The following DLGAP2 variants were observed in gnomAD, a reference collection of about 807,000 sequenced individuals.
DLGAP2 encodes DLG associated protein 2.
In DLGAP2, 26 loss-of-function variants were observed where a neutral mutation model predicts 100.3. The observed-to-expected ratio is 0.26, with a 90% CI of 0.19 to 0.36. DLGAP2 has a LOEUF of 0.36. DLGAP2 is among the 10% of genes least tolerant of loss of function. The pLI is 1.00. For missense variants in DLGAP2, 1,858 were observed against 1,453.2 expected (o/e 1.28, Z -4.53); for synonymous variants, 886 against 630.1 (o/e 1.41, Z -6.08).
At position 805,072 on chromosome 8, in the gene DLGAP2, C is replaced by CT. The variant is rs1320424556; in HGVS notation, c.18+67248dup. Among the ~76,000 whole-genome samples, 9 of 152,302 alleles carry CT rather than the reference C, an allele frequency of 5.9e-5. No individual in the cohort carries two copies. The South Asian group carries it at 1.9e-3, about 32-fold the overall frequency. ...AGGCGTGAGCTACTGCTCCTGGCCT[C>CT]TGCCTTTTTCTAAAAGCTCTAGACA... On this transcript the variant is annotated intron_variant, in intron 1 of 14. Transcript: ENST00000637795.
chr8:948,245 C>T (rs557726485), intron 2 of DLGAP2, among the ~76,000 whole-genome samples: 1 of 152,334 alleles, frequency 6.6e-6, no homozygotes, highest in Non-Finnish European at 1.5e-5. Context: ...GCTCCCCCTA[C>T]GGCCCTGTGT....
intron 4 of DLGAP2, among the ~76,000 whole-genome samples, chr8:1,536,786 C>T (rs766289815): frequency 6.6e-6 from 1 of 152,188 alleles, no homozygotes; most frequent in East Asian, 1.9e-4. Context: ...TTTCCCACCT[C>T]TTTATTTTTA....
intron 3 of DLGAP2, among the ~76,000 whole-genome samples, chr8:1,277,939 C>T (rs1433802554): frequency 6.6e-6 from 1 of 152,200 alleles, no homozygotes; most frequent in Admixed American, 6.5e-5. Context: ...TAACATGATT[C>T]TAGATTGGGT....
chr8:1,191,344 G>C (rs930735159), intron 2 of DLGAP2, among the ~76,000 whole-genome samples: 2 of 151,892 alleles, frequency 1.3e-5, no homozygotes, highest in Middle Eastern at 3.2e-3. Context: ...CTAATTTTTT[G>C]TATTTTTGGT....
At chr8:1,254,054 A>G (rs545440631) in intron 2 of DLGAP2, among the ~76,000 whole-genome samples, 1 of 152,284 alleles carries the variant, frequency 6.6e-6, no homozygotes, top group African/African-American at 2.4e-5. Context: ...CCGCCTCGTG[A>G]GGCTTCCAGT....
rs575206787 is a variant in DLGAP2 at position 807,938 on chromosome 8, T to C, written c.18+70113T>C. Among the ~76,000 whole-genome samples the C allele has an allele frequency of 2.0e-5, 3 of 152,158 alleles. No individual in the cohort carries two copies. The South Asian group carries it at 6.2e-4, about 32-fold the overall frequency. On this transcript the variant is annotated intron_variant, in intron 1 of 14. Coordinates refer to ENST00000637795, the MANE Select transcript of DLGAP2 (RefSeq NM_001346810.2). The stretch of plus-strand genomic sequence containing the variant: ...TGGCGGGGAGCTAAGAACCGGGTCT[T>C]GTGATAAGATGTGGTAGCAGTGAGG...
At chr8:1,688,767 G>C (rs564957664) in intron 12 of DLGAP2, among the ~76,000 whole-genome samples, 56 of 152,286 alleles carry the variant, frequency 3.7e-4, no homozygotes, top group African/African-American at 1.3e-3. Context: ...AAGAACACAT[G>C]GTACAGATTG....
intron 6 of DLGAP2, among the ~76,000 whole-genome samples, chr8:1,607,229 C>G (rs1796829813): frequency 6.6e-6 from 1 of 152,090 alleles, no homozygotes; most frequent in African/African-American, 2.4e-5. Context: ...TCTTTAAAAT[C>G]TGACTTATAT....
intron 3 of DLGAP2, among the ~76,000 whole-genome samples, chr8:1,323,530 T>G (rs978944622): frequency 2.0e-5 from 3 of 151,902 alleles, no homozygotes; most frequent in African/African-American, 7.3e-5. Flanking sequence ...CCAGGGCGAG[T>G]GTAGTGCGGG....
At chr8:878,786 C>T (rs1002268157) in intron 1 of DLGAP2, among the ~76,000 whole-genome samples, 12 of 152,156 alleles carry the variant, frequency 7.9e-5, no homozygotes, top group African/African-American at 2.9e-4. Context: ...TCACAAGGCC[C>T]ACTTCCCCTC....
intron 6 of DLGAP2, among the ~76,000 whole-genome samples, chr8:1,589,302 T>C (rs1796220283): frequency 6.6e-6 from 1 of 152,248 alleles, no homozygotes; most frequent in Non-Finnish European, 1.5e-5. Flanking sequence ...TATCCTTGTA[T>C]TGCAGTTACC....
chr8:1,701,130 C>T, intron 14 of DLGAP2, 58 bp from the exon 15 acceptor site: 3 of 1,490,572 alleles, frequency 2.0e-6, no homozygotes, highest in Non-Finnish European at 2.7e-6. Context: ...GCTGAGCTCG[C>T]GAGCTGCTGG....
At chr8:993,681 G>A (rs765251084) in intron 2 of DLGAP2, among the ~76,000 whole-genome samples, 33 of 151,914 alleles carry the variant, frequency 2.2e-4, no homozygotes, top group South Asian at 4.2e-4. Context: ...CTGAGAGGAC[G>A]TCAGTACACT....
chr8:1,103,119 G>A (rs951584570), intron 2 of DLGAP2, among the ~76,000 whole-genome samples: 1 of 152,102 alleles, frequency 6.6e-6, no homozygotes, highest in African/African-American at 2.4e-5. Flanking sequence ...GTCTTTCTGA[G>A]TCTCTGGAGT....
intron 3 of DLGAP2, among the ~76,000 whole-genome samples, chr8:1,474,929 C>G (rs532033830): frequency 2.0e-5 from 3 of 152,286 alleles, no homozygotes; most frequent in South Asian, 2.1e-4. Flanking sequence ...GCACATGCCC[C>G]CATACAGACA....
chr8:1,555,104 G>T (rs1168313567), intron 5 of DLGAP2, among the ~76,000 whole-genome samples: 7 of 152,084 alleles, frequency 4.6e-5, no homozygotes, highest in African/African-American at 1.7e-4. Flanking sequence ...GGATAGGAGA[G>T]TTGGGGTGTG....
intron 3 of DLGAP2, among the ~76,000 whole-genome samples, chr8:1,292,395 A>T (rs1800077925): frequency 6.6e-6 from 1 of 152,166 alleles, no homozygotes; most frequent in Non-Finnish European, 1.5e-5. Context: ...CCAGTCAGGG[A>T]GAGCTGCCTC....
chr8:868,049 A>G (rs1222727461), intron 1 of DLGAP2, among the ~76,000 whole-genome samples: 1 of 152,232 alleles, frequency 6.6e-6, no homozygotes, highest in Non-Finnish European at 1.5e-5. Context: ...GATACTTACA[A>G]ATTATTTGTA....
intron 3 of DLGAP2, among the ~76,000 whole-genome samples, chr8:1,309,325 T>G (rs1349289659): frequency 2.0e-5 from 3 of 152,070 alleles, no homozygotes; most frequent in Non-Finnish European, 4.4e-5. Flanking sequence ...CAGTGAGGGA[T>G]AAAGAGAAAA....
Sources: gnomAD v4.1 joint callset for allele counts (sites outside exome capture counted in the v4.1 genomes callset) on GRCh38, gnomAD v4.1.1 for gene constraint, MANE v1.5 for transcripts, NCBI Gene and HGNC (gene_info 2026-07-23, HGNC 2026-07-21) for gene names.